COQ8B: variants seen among roughly 807,000 people sequenced by gnomAD.
COQ8B encodes the protein atypical kinase COQ8B, mitochondrial.
COQ8B carries 44 observed loss-of-function variants against 62.0 expected under a neutral mutation model. That is an observed-to-expected ratio of 0.71 (90% CI 0.56 to 0.91). The LOEUF is 0.91. Ranked by LOEUF, COQ8B falls within the 40% of genes least tolerant of loss-of-function variation. COQ8B has a pLI of 0.00. For synonymous variants in COQ8B, 252 were observed against 289.9 expected, an observed-to-expected ratio of 0.87 and a Z score of 1.33; for missense variants, 649 against 731.6, an observed-to-expected ratio of 0.89 and a Z score of 1.30.
At chr19:40,699,939 C>T (rs1320388637) in intron 12 of COQ8B, 128 bp downstream of exon 12, 23 of 839,384 alleles carry the variant, frequency 2.7e-5, no homozygotes, top group Non-Finnish European at 4.0e-5. Flanking sequence ...CCCTGAATCC[C>T]ACTTGGAAAA....
At chr19:40,715,653 G>C (rs1332777486) in intron 1 of COQ8B, 1 of 972,782 alleles carries the variant, frequency 1.0e-6, no homozygotes, top group Non-Finnish European at 1.2e-6. Context: ...CCCCCCACTT[G>C]CACACTGAGT....
Position 40,705,400 on chromosome 19 carries a change from C to A in COQ8B, c.415G>T (p.Ala139Ser). 1 of 1,594,558 alleles carries A rather than the reference C, an allele frequency of 6.3e-7. No homozygotes were observed. Among genetic ancestry groups the A allele is most frequent in the Non-Finnish European group, 8.6e-7 (1 of 1,164,756 alleles). ...DSSPFLSEAN[A>S]ERIVQTLCTV... ...CATAAGGTCTGCACAATCCGCTCGG[C>A]ATTGGCCTCCGACAGGAAGGGGCTG... Residue 139 changes from alanine (A) to serine (S), a missense_variant, in exon 6 of 15, where the codon GCC becomes TCC. By Grantham distance (99) the Ala-to-Ser change is moderately conservative. Transcript: ENST00000324464.
Position 40,714,323 on chromosome 19 carries a change from A to C in COQ8B, c.177T>G (p.Ile59Met). ...TGGGACGGGCCTCCCGTGCCCTGCGAATGTCCTCCTCACCCAGGCCTCTCC... is the reference window on the plus strand; with the variant it reads ...TGGGACGGGCCTCCCGTGCCCTGCGCATGTCCTCCTCACCCAGGCCTCTCC... ...GPGRGLGEED[I>M]RRAREARPRK... is the part of the protein sequence containing the mutation. The change falls in exon 3 of 15, where the codon ATT becomes ATG. Residue 59 changes from isoleucine to methionine, a missense_variant. Physicochemically the swap from Ile to Met is conservative, Grantham distance 10. Coordinates refer to ENST00000324464, the MANE Select transcript of COQ8B (RefSeq NM_024876.4). The C allele has an allele frequency of 6.2e-7, 1 of 1,614,038 alleles. No individual in the cohort carries two copies. The highest frequency in any genetic ancestry group is 8.5e-7 in the Non-Finnish European group (1 of 1,179,992).
intron 12 of COQ8B, among the ~76,000 whole-genome samples, chr19:40,698,979 C>A (rs1216700354): frequency 1.3e-5 from 2 of 151,752 alleles, no homozygotes; most frequent in Non-Finnish European, 2.9e-5. Flanking sequence ...GTCTCCTTTT[C>A]CCCTGTCCCA....
chr19:40,695,857 G>A, intron 13 of COQ8B, 132 bp downstream of exon 13: 3 of 934,498 alleles, frequency 3.2e-6, no homozygotes, highest in South Asian at 2.9e-5. Context: ...GTGTGTGCTA[G>A]TTGCTACGAG....
Position 40,691,651 on chromosome 19 carries a change from A to C in COQ8B, c.*384T>G. ...AAGGCAGCTGTTGGAGGAGCGAGGG[A>C]GGCAGAGGTGAGGACTGCCTCCAGG... On this transcript the variant is annotated 3_prime_UTR_variant, in exon 15 of 15. Transcript: ENST00000324464. 1 of 160,716 alleles carries C rather than the reference A, an allele frequency of 6.2e-6. No homozygotes were observed. 10.0% of individuals were successfully genotyped at this position (160,716 alleles called of 1,614,324 possible).
At chr19:40,715,520 C>G in intron 1 of COQ8B, 1 of 985,518 alleles carries the variant, frequency 1.0e-6, no homozygotes, top group Non-Finnish European at 1.2e-6. Flanking sequence ...CATGGAGCCC[C>G]TCCACTTTGC....
chr19:40,705,294 C>G, intron 6 of COQ8B, 31 bp downstream of exon 6: 1 of 1,585,166 alleles, frequency 6.3e-7, no homozygotes, highest in Non-Finnish European at 8.6e-7. Flanking sequence ...GAAGGGAGGT[C>G]AGGGGTCAGG....
rs1290399445 is a variant in COQ8B at position 40,714,073 on chromosome 19, A to G, written c.283T>C (p.Phe95Leu). ...PASRISRLAN[F>L]GGLAVGLGLG... ...CCCCCAAAGTCACACCTACCCCCAAAGTTGGCCAAGCGGCTGATGCGGGAG... is the reference window on the plus strand; with the variant it reads ...CCCCCAAAGTCACACCTACCCCCAAGGTTGGCCAAGCGGCTGATGCGGGAG... The change falls in exon 4 of 15, where the codon TTT becomes CTT. Residue 95 changes from phenylalanine to leucine, a missense_variant. Physicochemically the swap from Phe to Leu is conservative, Grantham distance 22 (BLOSUM62 0). Coordinates refer to ENST00000324464, the MANE Select transcript of COQ8B (RefSeq NM_024876.4). 1 of 1,613,898 alleles carries G rather than the reference A, an allele frequency of 6.2e-7. No individual in the cohort carries two copies. Among genetic ancestry groups the G allele is most frequent in the Non-Finnish European group, 8.5e-7 (1 of 1,179,970 alleles).
chr19:40,705,004 G>T, intron 7 of COQ8B, 92 bp downstream of exon 7: 2 of 1,188,042 alleles, frequency 1.7e-6, no homozygotes, highest in Admixed American at 2.4e-5. Context: ...AGGCTCAGAG[G>T]CAGGGAGTGG....
At chr19:40,703,173 C>T (rs138492463) in intron 9 of COQ8B, among the ~76,000 whole-genome samples, 15 of 152,206 alleles carry the variant, frequency 9.9e-5, no homozygotes, top group African/African-American at 3.6e-4. Flanking sequence ...CTCTCCGTCT[C>T]TTACACAAAC....
chr19:40,715,015 CA>C, intron 1 of COQ8B: 1 of 1,006,498 alleles, frequency 9.9e-7, no homozygotes. Context: ...GCCCGATCCC[CA>C]CCCCGTTACT....
At chr19:40,715,005 G>A (rs1409833106) in intron 1 of COQ8B, 22 of 256,342 alleles carry the variant, frequency 8.6e-5, no homozygotes, top group Non-Finnish European at 1.2e-4. Context: ...GTGTCCCCCC[G>A]CCCGATCCCC....
chr19:40,697,849 T>TAGAGAGAGAGAGAGAGAGAGAGAGAGAG (rs1224275474), intron 12 of COQ8B, among the ~76,000 whole-genome samples: 6 of 60,702 alleles, frequency 9.9e-5, no homozygotes, highest in African/African-American at 1.6e-4. Flanking sequence ...TATATATATA[T>TAGAGAGAGAGAGAGAGAGAGAGAGAGAG]ATAGAGAGAG....
At chr19:40,714,242 C>T (rs771194381) in intron 3 of COQ8B, 36 bp downstream of exon 3, 146 of 1,479,488 alleles carry the variant, frequency 9.9e-5, no homozygotes, top group Non-Finnish European at 1.2e-4. Flanking sequence ...CAGCAGTATT[C>T]GTGGGGTGTT....
intron 5 of COQ8B, among the ~76,000 whole-genome samples, chr19:40,709,078 CTAT>C (rs1442749471): frequency 3.9e-5 from 6 of 152,310 alleles, no homozygotes; most frequent in South Asian, 2.1e-4. Flanking sequence ...CACACACTTA[CTAT>C]TATTATTTTT....
At chr19:40,703,228 C>G in intron 9 of COQ8B, 1 of 377,060 alleles carries the variant, frequency 2.7e-6, no homozygotes, top group Non-Finnish European at 4.8e-6. Flanking sequence ...CGTGCCATCC[C>G]CAGGACTGTC....
chr19:40,702,940 C>T (rs548299334), intron 9 of COQ8B, among the ~76,000 whole-genome samples: 4 of 152,286 alleles, frequency 2.6e-5, no homozygotes, highest in Non-Finnish European at 5.9e-5. Flanking sequence ...TGACCTGCAT[C>T]GTATCATCTG....
chr19:40,703,252 C>T, intron 9 of COQ8B: 1 of 407,722 alleles, frequency 2.5e-6, no homozygotes, highest in Admixed American at 4.2e-5. Context: ...TTCTGCTCTG[C>T]CGCACCTACA....
Sources: allele counts gnomAD v4.1 joint callset (sites outside exome capture counted in the v4.1 genomes callset), GRCh38; gene constraint gnomAD v4.1.1; transcripts MANE v1.5; gene names NCBI Gene and HGNC (gene_info 2026-07-23, HGNC 2026-07-21).